The following GMDS variants were observed in gnomAD, a reference collection of about 807,000 sequenced individuals.
The protein encoded by GMDS is GDP-mannose 4,6-dehydratase, also known as GDP-mannose 4,6 dehydratase.
Under a neutral mutation model 49.9 loss-of-function variants are expected in GMDS, and 20 were observed. The ratio of observed to expected loss-of-function variants is 0.40; its 90% CI spans 0.28 to 0.58. The LOEUF (loss-of-function observed/expected upper bound fraction) is 0.58, where lower values mean the gene tolerates loss of function less well. Ranked by LOEUF, GMDS falls within the 20% of genes least tolerant of loss-of-function variation. The probability of loss-of-function intolerance (pLI) is 0.42; values close to 1 mark genes in which losing one functional copy is unlikely to be tolerated. For missense variants in GMDS, 362 were observed against 481.4 expected, an observed-to-expected ratio of 0.75 and a Z score of 2.32; for synonymous variants, 177 against 178.6, an observed-to-expected ratio of 0.99 and a Z score of 0.07.
chr6:1,627,667 G>A (rs1402892317), intron 9 of GMDS, among the ~76,000 whole-genome samples: 2 of 152,058 alleles, frequency 1.3e-5, no homozygotes, highest in Non-Finnish European at 2.9e-5. Flanking sequence ...TTATACATAT[G>A]CTTACAGCCT....
intron 4 of GMDS, among the ~76,000 whole-genome samples, chr6:2,104,882 T>C (rs868001431): frequency 4.6e-5 from 7 of 151,796 alleles, no homozygotes; most frequent in Non-Finnish European, 7.4e-5. Context: ...AATGATAGAG[T>C]GAAATGATCA....
At chr6:1,837,088 T>C (rs1395938619) in intron 7 of GMDS, among the ~76,000 whole-genome samples, 1 of 152,256 alleles carries the variant, frequency 6.6e-6, no homozygotes, top group Non-Finnish European at 1.5e-5. Context: ...TATGTCACTG[T>C]AAGTCTTTAA....
intron 7 of GMDS, among the ~76,000 whole-genome samples, chr6:1,872,526 A>G (rs1042135341): frequency 6.6e-6 from 1 of 152,244 alleles, no homozygotes; most frequent in African/African-American, 2.4e-5. Flanking sequence ...TGGATAAAAT[A>G]GCCCACATTT....
intron 4 of GMDS, among the ~76,000 whole-genome samples, chr6:2,046,310 C>T (rs1388737303): frequency 6.6e-6 from 1 of 152,190 alleles, no homozygotes; most frequent in Non-Finnish European, 1.5e-5. Context: ...TTTCTGAAAG[C>T]ACATTGTTTA....
intron 1 of GMDS, among the ~76,000 whole-genome samples, chr6:2,145,791 G>GC (rs1230228556): frequency 1.3e-5 from 2 of 152,204 alleles, no homozygotes; most frequent in African/African-American, 4.8e-5. Flanking sequence ...TACTTAGGAG[G>GC]CTGAGACAAG....
Position 1,875,317 on chromosome 6 carries a change from TACACACAC to T in GMDS, c.771+54778_771+54785del, listed in dbSNP as rs56053544. 1.2e-3 allele frequency among the ~76,000 whole-genome samples: 181 copies of T among 149,982 alleles called. 2 individuals are homozygous for T. The highest frequency in any genetic ancestry group is 2.7e-3 in the African/African-American group (108 of 40,666). On this transcript the variant is annotated intron_variant, in intron 7 of 10. Transcript: ENST00000380815. Reference sequence around the variant, plus strand: ...TTATATTGAAGTCTTTTTTTGTATTTACACACACACACACACACACACACACACACACA... The same window carrying T: ...TTATATTGAAGTCTTTTTTTGTATTTACACACACACACACACACACACACA...
intron 7 of GMDS, among the ~76,000 whole-genome samples, chr6:1,925,152 G>A (rs1044269857): frequency 2.0e-5 from 3 of 151,800 alleles, no homozygotes; most frequent in Admixed American, 2.0e-4. Flanking sequence ...AGGTGTTTGA[G>A]GTAAAATTTA....
intron 7 of GMDS, among the ~76,000 whole-genome samples, chr6:1,861,695 T>C (rs1296932611): frequency 6.6e-6 from 1 of 151,890 alleles, no homozygotes; most frequent in Non-Finnish European, 1.5e-5. Flanking sequence ...GCTAATTGGC[T>C]AGAGTGATCT....
rs141898286 is a variant in GMDS at position 1,628,844 on chromosome 6, G to A, written c.988-4304C>T. 6.8e-4 allele frequency among the ~76,000 whole-genome samples: 103 copies of A among 152,306 alleles called. 2 individuals carry two copies. The highest frequency in any genetic ancestry group is 2.3e-3 in the African/African-American group (97 of 41,564). On this transcript the variant is annotated intron_variant, in intron 9 of 10. Coordinates refer to ENST00000380815, the MANE Select transcript of GMDS (RefSeq NM_001500.4). ...TTTAAGATACAGAGCTGTGAGGGGC[G>A]CTTAATATTCTTTTTTTCCCTTCTA...
chr6:1,695,205 G>A (rs9392322), intron 9 of GMDS, among the ~76,000 whole-genome samples: 79,235 of 152,014 alleles, frequency 0.52, 21,911 homozygotes, highest in Middle Eastern at 0.64. Context: ...TAGGTGACGT[G>A]GAGAATCCTG....
intron 4 of GMDS, among the ~76,000 whole-genome samples, chr6:2,022,304 T>C (rs1401526353): frequency 6.6e-6 from 1 of 151,976 alleles, no homozygotes; most frequent in Non-Finnish European, 1.5e-5. Context: ...TGTAAATGGG[T>C]GGATATAGGA....
At chr6:1,918,475 G>A (rs1482983264) in intron 7 of GMDS, among the ~76,000 whole-genome samples, 2 of 152,170 alleles carry the variant, frequency 1.3e-5, no homozygotes, top group Admixed American at 6.5e-5. Context: ...GGCCGGGCAT[G>A]GTGGCTCATA....
chr6:1,627,770 G>A (rs958086375), intron 9 of GMDS, among the ~76,000 whole-genome samples: 5 of 152,190 alleles, frequency 3.3e-5, no homozygotes, highest in African/African-American at 1.2e-4. Flanking sequence ...GGGTGGTCTG[G>A]AGCTTTTCTT....
intron 9 of GMDS, among the ~76,000 whole-genome samples, chr6:1,697,909 T>C (rs562244620): frequency 2.0e-4 from 30 of 152,376 alleles, no homozygotes; most frequent in African/African-American, 7.2e-4. Flanking sequence ...TCCTGCTCTC[T>C]TGTTCCATGG....
At chr6:1,993,227 C>T (rs1766066249) in intron 4 of GMDS, among the ~76,000 whole-genome samples, 1 of 152,172 alleles carries the variant, frequency 6.6e-6, no homozygotes, top group Admixed American at 6.5e-5. Flanking sequence ...GGTATTCTCG[C>T]TTCTATGCTG....
At chr6:1,964,472 A>G (rs1164227996) in intron 4 of GMDS, among the ~76,000 whole-genome samples, 1 of 152,230 alleles carries the variant, frequency 6.6e-6, no homozygotes, top group Non-Finnish European at 1.5e-5. Context: ...TGACACAGAG[A>G]AGCTACAGCA....
At chr6:2,035,297 T>C (rs1293606186) in intron 4 of GMDS, among the ~76,000 whole-genome samples, 1 of 152,196 alleles carries the variant, frequency 6.6e-6, no homozygotes, top group South Asian at 2.1e-4. Context: ...CTCGGTATGT[T>C]GAATGCTGTG....
intron 1 of GMDS, among the ~76,000 whole-genome samples, chr6:2,142,116 C>T (rs932188782): frequency 6.6e-6 from 1 of 152,092 alleles, no homozygotes; most frequent in Non-Finnish European, 1.5e-5. Context: ...TTTTACTGCA[C>T]GTTTACTACA....
chr6:1,829,138 A>G lies in GMDS; in HGVS notation c.772-86552T>C, dbSNP rs963008174. ...TCACATTGACTAGGCTTGAGAGAACAAGAAAGGGGAGGGGTCGGTCTTGAT... is the reference window on the plus strand; with the variant it reads ...TCACATTGACTAGGCTTGAGAGAACGAGAAAGGGGAGGGGTCGGTCTTGAT... On this transcript the variant is annotated intron_variant, in intron 7 of 10. Transcript: ENST00000380815. Among the ~76,000 whole-genome samples the G allele has an allele frequency of 2.0e-5, 3 of 152,188 alleles. No homozygotes were observed. In the East Asian group the frequency reaches 5.8e-4, roughly 29 times the overall value.
Sources: gnomAD v4.1 joint callset for allele counts (sites outside exome capture counted in the v4.1 genomes callset) on GRCh38, gnomAD v4.1.1 for gene constraint, MANE v1.5 for transcripts, NCBI Gene and HGNC (gene_info 2026-07-23, HGNC 2026-07-21) for gene names.